The following ZC3H12B variants were observed in gnomAD, a reference collection of about 807,000 sequenced individuals.
The protein encoded by ZC3H12B is zinc finger CCCH-type containing 12B, also known as probable ribonuclease ZC3H12B.
In ZC3H12B, 7 loss-of-function variants were observed where a neutral mutation model predicts 43.9. The observed-to-expected ratio is 0.16, with a 90% confidence interval of 0.09 to 0.30. The LOEUF (loss-of-function observed/expected upper bound fraction) is 0.30. Ranked by LOEUF, ZC3H12B falls within the 10% of genes least tolerant of loss-of-function variation. The pLI, the probability that ZC3H12B is intolerant of heterozygous loss-of-function variation, is 1.00. For synonymous variants in ZC3H12B, 222 were observed against 241.7 expected (o/e 0.92, Z 0.76); for missense variants, 475 against 670.2 (o/e 0.71, Z 3.22).
intron 2 of ZC3H12B, among the ~76,000 whole-genome samples, chrX:65,376,564 G>C (rs2066349313): frequency 8.9e-6 from 1 of 111,796 alleles, no homozygotes; most frequent in African/African-American, 3.2e-5. Flanking sequence ...GCTCCAAGCA[G>C]CTCAGCAAAG....
chrX:65,443,769 A>G (rs985413082), intron 3 of ZC3H12B, among the ~76,000 whole-genome samples: 5 of 112,478 alleles, frequency 4.4e-5, no homozygotes, highest in African/African-American at 1.3e-4. Flanking sequence ...TTATGGACAT[A>G]TTACATTGCT....
the ZC3H12B span, chrX:65,327,892 C>G: frequency 7.8e-6 from 1 of 127,858 alleles, no homozygotes; most frequent in Non-Finnish European, 1.8e-5. Context: ...TTCTGTTATG[C>G]ACTAACTTCT....
chrX:65,120,378 G>T, the ZC3H12B span, among the ~76,000 whole-genome samples: 3 of 111,283 alleles, frequency 2.7e-5, no homozygotes, highest in African/African-American at 9.8e-5. Flanking sequence ...TTGTAAGTTG[G>T]ATTCCTAGGT....
the ZC3H12B span, among the ~76,000 whole-genome samples, chrX:65,098,007 A>T: frequency 9.0e-6 from 1 of 111,191 alleles, no homozygotes; most frequent in Non-Finnish European, 1.9e-5. Context: ...GGGCTGTTTG[A>T]TGGGTCATAT....
the ZC3H12B span, among the ~76,000 whole-genome samples, chrX:65,346,663 A>G: frequency 2.7e-5 from 3 of 112,412 alleles, no homozygotes; most frequent in East Asian, 5.6e-4. Context: ...AGCAAAATAA[A>G]CTATCAACAG....
At chrX:65,460,980 C>A (rs1192317372) in intron 3 of ZC3H12B, among the ~76,000 whole-genome samples, 1 of 111,789 alleles carries the variant, frequency 8.9e-6, no homozygotes, top group African/African-American at 3.3e-5. Flanking sequence ...GGCTAATATC[C>A]AGAATCTACA....
At chrX:65,433,849 G>C (rs2067190544) in intron 3 of ZC3H12B, among the ~76,000 whole-genome samples, 1 of 111,894 alleles carries the variant, frequency 8.9e-6, no homozygotes, top group South Asian at 3.7e-4. Context: ...TCTGTAAGCT[G>C]TCTGAATTCT....
At chrX:65,301,184 AT>A in the ZC3H12B span, among the ~76,000 whole-genome samples, 1 of 111,457 alleles carries the variant, frequency 9.0e-6, no homozygotes, top group East Asian at 2.8e-4. Context: ...TAAAAAAAAA[AT>A]ACATGTTGGT....
At chrX:65,384,675 C>A (rs2066496635) in intron 2 of ZC3H12B, among the ~76,000 whole-genome samples, 1 of 110,991 alleles carries the variant, frequency 9.0e-6, no homozygotes, top group African/African-American at 3.3e-5. Flanking sequence ...CCAATAACAT[C>A]AAATGTAAAT....
At chrX:65,160,643 G>C in the ZC3H12B span, among the ~76,000 whole-genome samples, 2 of 111,153 alleles carry the variant, frequency 1.8e-5, no homozygotes, top group African/African-American at 6.5e-5. Context: ...TATTTGATTT[G>C]TCTCTATTTT....
the ZC3H12B span, among the ~76,000 whole-genome samples, chrX:65,172,416 GA>G: frequency 8.9e-6 from 1 of 112,032 alleles, no homozygotes; most frequent in Non-Finnish European, 1.9e-5. Flanking sequence ...TTGCTGAGGA[GA>G]AGTGCTTTAG....
intron 3 of ZC3H12B, among the ~76,000 whole-genome samples, chrX:65,446,349 G>A (rs1217456398): frequency 1.8e-5 from 2 of 111,963 alleles, no homozygotes; most frequent in African/African-American, 3.2e-5. Flanking sequence ...GGCTGTTCCC[G>A]CTGGTGTCTT....
the ZC3H12B span, among the ~76,000 whole-genome samples, chrX:65,270,076 G>C: frequency 9.3e-6 from 1 of 107,737 alleles, no homozygotes. Context: ...ATAACCAAGA[G>C]AATTCTGAGA....
chrX:65,160,376 G>C, the ZC3H12B span, among the ~76,000 whole-genome samples: 1 of 111,674 alleles, frequency 9.0e-6, no homozygotes, highest in East Asian at 2.8e-4. Context: ...ATTCGGCTGT[G>C]AATCCATCTG....
At chrX:65,209,332 C>G in the ZC3H12B span, among the ~76,000 whole-genome samples, 3 of 68,164 alleles carry the variant, frequency 4.4e-5, no homozygotes, top group African/African-American at 5.8e-5. Flanking sequence ...ATAAATTTCC[C>G]TCTACACACT....
At chrX:65,142,085 C>T in the ZC3H12B span, among the ~76,000 whole-genome samples, 26 of 112,057 alleles carry the variant, frequency 2.3e-4, no homozygotes, top group Non-Finnish European at 3.2e-4. Flanking sequence ...TAAGGAATCT[C>T]TACAATTTTC....
chrX:65,467,219 A>T (rs878922283), intron 3 of ZC3H12B, among the ~76,000 whole-genome samples: 1 of 107,866 alleles, frequency 9.3e-6, no homozygotes, highest in Non-Finnish European at 1.9e-5. Context: ...TCCATTCCTG[A>T]GTTACTTTTC....
At chrX:65,342,993 T>A in the ZC3H12B span, among the ~76,000 whole-genome samples, 3 of 110,815 alleles carry the variant, frequency 2.7e-5, no homozygotes, top group African/African-American at 9.8e-5. Context: ...TACTACCACT[T>A]ACCCCACAGA....
the ZC3H12B span, among the ~76,000 whole-genome samples, chrX:65,164,043 G>A: frequency 1.8e-5 from 2 of 111,808 alleles, no homozygotes; most frequent in Non-Finnish European, 3.8e-5. Flanking sequence ...TCACTGCCCT[G>A]AAAAATCAAT....
Sources: gnomAD v4.1 joint callset for allele counts (sites outside exome capture counted in the v4.1 genomes callset) on GRCh38, gnomAD v4.1.1 for gene constraint, MANE v1.5 for transcripts, NCBI Gene and HGNC (gene_info 2026-07-23, HGNC 2026-07-21) for gene names.